CLYBL: variants seen among roughly 807,000 people sequenced by gnomAD.
CLYBL encodes the protein citramalyl-CoA lyase, also known as citramalyl-CoA lyase, mitochondrial.
CLYBL carries 31 observed loss-of-function variants against 38.9 expected under a neutral mutation model. That is an observed-to-expected ratio of 0.80 (90% CI 0.60 to 1.08). CLYBL has a LOEUF of 1.08. Among genes scored for constraint, CLYBL ranks in the 50% least tolerant of loss-of-function variants. The pLI is 0.00. For missense variants in CLYBL, 434 were observed against 411.6 expected (o/e 1.05, Z -0.47); for synonymous variants, 171 against 158.6 (o/e 1.08, Z -0.59).
At chr13:99,746,356 T>A (rs1476950934) in intron 1 of CLYBL, among the ~76,000 whole-genome samples, 2 of 9,376 alleles carry the variant, frequency 2.1e-4, no homozygotes, top group South Asian at 3.8e-3. Context: ...TTAAATACTA[T>A]TTTTTTTTTT....
At chr13:99,671,344 A>G (rs2047562045) in intron 1 of CLYBL, among the ~76,000 whole-genome samples, 2 of 152,166 alleles carry the variant, frequency 1.3e-5, no homozygotes, top group South Asian at 4.1e-4. Context: ...GTTTGAGCTG[A>G]GCAGGGAGTT....
At chr13:99,619,123 C>T (rs775719612) in intron 1 of CLYBL, among the ~76,000 whole-genome samples, 2 of 152,190 alleles carry the variant, frequency 1.3e-5, no homozygotes, top group African/African-American at 2.4e-5. Context: ...TGTGGTATCC[C>T]CTCCAAAATT....
intron 1 of CLYBL, among the ~76,000 whole-genome samples, chr13:99,719,958 A>T (rs970607994): frequency 6.6e-6 from 1 of 151,988 alleles, no homozygotes; most frequent in African/African-American, 2.4e-5. Context: ...AGGGATATTT[A>T]ATCTGTTCAC....
At chr13:99,745,170 A>G (rs1160664341) in intron 1 of CLYBL, among the ~76,000 whole-genome samples, 1 of 152,274 alleles carries the variant, frequency 6.6e-6, no homozygotes, top group African/African-American at 2.4e-5. Context: ...GGTTCTCTCC[A>G]TCTCTAACTG....
chr13:99,651,940 A>AT (rs1470174487), intron 1 of CLYBL, among the ~76,000 whole-genome samples: 1 of 151,102 alleles, frequency 6.6e-6, no homozygotes, highest in Non-Finnish European at 1.5e-5. Flanking sequence ...TTGGGGGGAA[A>AT]AAAAGATTCT....
intron 1 of CLYBL, among the ~76,000 whole-genome samples, chr13:99,665,405 ATAT>A (rs2047465968): frequency 6.6e-6 from 1 of 152,100 alleles, no homozygotes; most frequent in African/African-American, 2.4e-5. Context: ...TAATAGTTTC[ATAT>A]TATTTTCATA....
chr13:99,755,979 A>C (rs2049055915), intron 1 of CLYBL, among the ~76,000 whole-genome samples: 1 of 152,186 alleles, frequency 6.6e-6, no homozygotes, highest in Non-Finnish European at 1.5e-5. Context: ...TTCTATGTTC[A>C]GACCCTTAAG....
At chr13:99,907,535 G>A (rs9585273) in intron 9 of CLYBL, among the ~76,000 whole-genome samples, 11,985 of 151,306 alleles carry the variant, frequency 0.079, 699 homozygotes, top group African/African-American at 0.16. Flanking sequence ...TTACATTTTT[G>A]TATTTCCAAA....
intron 1 of CLYBL, among the ~76,000 whole-genome samples, chr13:99,647,150 T>C (rs189616466): frequency 1.3e-5 from 2 of 152,104 alleles, no homozygotes; most frequent in Non-Finnish European, 2.9e-5. Context: ...TTGAAAGGCT[T>C]ATAAGAAAGA....
At chr13:99,848,386 G>C (rs1322213702) in intron 2 of CLYBL, among the ~76,000 whole-genome samples, 1 of 152,150 alleles carries the variant, frequency 6.6e-6, no homozygotes, top group Non-Finnish European at 1.5e-5. Flanking sequence ...TGGTGCAGTG[G>C]ATTGCATTTA....
intron 2 of CLYBL, among the ~76,000 whole-genome samples, chr13:99,810,411 T>A (rs560286195): frequency 6.6e-6 from 1 of 152,016 alleles, no homozygotes; most frequent in Non-Finnish European, 1.5e-5. Context: ...AAGTGTGGGG[T>A]ACAGTGGGGA....
chr13:99,644,210 A>C (rs34969571), intron 1 of CLYBL, among the ~76,000 whole-genome samples: 40,608 of 139,820 alleles, frequency 0.29, 6,413 homozygotes, highest in East Asian at 0.6. Flanking sequence ...GTGTATGTGT[A>C]TATGTGGTGT....
intron 2 of CLYBL, among the ~76,000 whole-genome samples, chr13:99,799,107 T>C (rs1399821907): frequency 6.6e-6 from 1 of 152,220 alleles, no homozygotes. Context: ...AGAGACCGTT[T>C]CTTTTTAAGG....
At chr13:99,832,367 A>G (rs1207500817) in intron 2 of CLYBL, among the ~76,000 whole-genome samples, 1 of 152,164 alleles carries the variant, frequency 6.6e-6, no homozygotes, top group African/African-American at 2.4e-5. Context: ...TTTAGACCTC[A>G]TTGTTACCTT....
chr13:99,653,838 A>T (rs1023694483), intron 1 of CLYBL, among the ~76,000 whole-genome samples: 2 of 152,188 alleles, frequency 1.3e-5, no homozygotes, highest in Admixed American at 1.3e-4. Context: ...TGGGCTGGAC[A>T]TGCCCATTTT....
chr13:99,795,825 G>T lies in CLYBL; in HGVS notation c.249+22815G>T, dbSNP rs141905681. On this transcript the variant is annotated intron_variant, in intron 2 of 8. Transcript: ENST00000339105. ...ATTCTTGGAGCCTCCAGGGGTAGAA[G>T]AATGAAACTAAGGTTGAACACCAAT... is the stretch of plus-strand genomic sequence containing the variant. 1.4e-3 allele frequency among the ~76,000 whole-genome samples: 208 copies of T among 152,288 alleles called. 1 individual carries two copies. Among genetic ancestry groups the T allele is most frequent in the African/African-American group, 4.8e-3 (198 of 41,564 alleles).
At chr13:99,890,169 G>A (rs1323543561) in intron 7 of CLYBL, among the ~76,000 whole-genome samples, 3 of 151,910 alleles carry the variant, frequency 2.0e-5, no homozygotes, top group African/African-American at 7.3e-5. Flanking sequence ...TCTTAATGTG[G>A]GGATCTCTGA....
At chr13:99,877,500 C>T in intron 7 of CLYBL, 1 of 324,594 alleles carries the variant, frequency 3.1e-6, no homozygotes, top group Non-Finnish European at 5.9e-6. Context: ...TAGCTAATTA[C>T]ATTAGAGACT....
At chr13:99,670,544 G>A (rs924897180) in intron 1 of CLYBL, among the ~76,000 whole-genome samples, 1 of 152,152 alleles carries the variant, frequency 6.6e-6, no homozygotes, top group Non-Finnish European at 1.5e-5. Flanking sequence ...TTAGGATTTA[G>A]AAATCTCTGC....
Sources: gnomAD v4.1 joint callset for allele counts (sites outside exome capture counted in the v4.1 genomes callset) on GRCh38, gnomAD v4.1.1 for gene constraint, MANE v1.5 for transcripts, NCBI Gene and HGNC (gene_info 2026-07-23, HGNC 2026-07-21) for gene names.